Variants in TNRC6A observed in about 807,000 individuals in gnomAD.
The protein encoded by TNRC6A is trinucleotide repeat-containing gene 6A protein.
In TNRC6A, 44 loss-of-function variants were observed where a neutral mutation model predicts 221.2. The ratio of observed to expected loss-of-function variants is 0.20; its 90% CI spans 0.16 to 0.26. The LOEUF (loss-of-function observed/expected upper bound fraction) is 0.26. Ranked by LOEUF, TNRC6A falls within the 10% of genes least tolerant of loss-of-function variation. TNRC6A has a pLI of 1.00. For synonymous variants in TNRC6A, 847 were observed against 838.5 expected (o/e 1.01, Z -0.18); for missense variants, 2,199 against 2,404.4 (o/e 0.91, Z 1.79).
intron 2 of TNRC6A, among the ~76,000 whole-genome samples, chr16:24,647,338 G>A (rs542003088): frequency 1.1e-4 from 16 of 152,058 alleles, no homozygotes; most frequent in Middle Eastern, 3.4e-3. Context: ...GTGTATACGC[G>A]CATGCATGCA....
intron 2 of TNRC6A, among the ~76,000 whole-genome samples, chr16:24,688,645 G>C (rs1456028876): frequency 6.6e-6 from 1 of 152,126 alleles, no homozygotes; most frequent in East Asian, 1.9e-4. Context: ...GTCAGACAAG[G>C]GGCTCATGAT....
chr16:24,658,814 C>T (rs1223283461), intron 2 of TNRC6A, among the ~76,000 whole-genome samples: 1 of 150,310 alleles, frequency 6.7e-6, no homozygotes, highest in Non-Finnish European at 1.5e-5. Context: ...TTTTCTTTTT[C>T]TTTTTTTTTG....
At chr16:24,796,602 A>C (rs935693893) in intron 9 of TNRC6A, among the ~76,000 whole-genome samples, 2 of 152,204 alleles carry the variant, frequency 1.3e-5, no homozygotes, top group African/African-American at 2.4e-5. Context: ...GGATGGGGTG[A>C]AAGGAAAAGG....
Position 24,815,277 on chromosome 16 carries a change from C to G in TNRC6A, c.4803C>G (p.Asn1601Lys). 1 of 1,614,220 alleles carries G rather than the reference C, an allele frequency of 6.2e-7. No individual in the cohort carries two copies. Among genetic ancestry groups the G allele is most frequent in the Non-Finnish European group, 8.5e-7 (1 of 1,180,036 alleles). Residue 1601 changes from asparagine (N) to lysine (K), a missense_variant, in exon 19 of 25, where the codon AAC becomes AAG. By Grantham distance (94) the Asn-to-Lys change is moderately conservative. This residue lies in a region of TNRC6A where 449 missense variants were observed against 579.7 expected (regional missense o/e 0.77). Transcript: ENST00000395799. ...GDGWPRAKSP[N>K]GSSSVNWPPE... ...GCTGGCCACGTGCCAAATCGCCTAA[C>G]GGCTCTAGCAGTGTTAATTGGCCAC...
At position 24,789,863 on chromosome 16, in the gene TNRC6A, T is replaced by G; in HGVS notation, c.1221T>G (p.Ile407Met). 6.2e-7 allele frequency: 1 copy of G among 1,614,152 alleles called. No individual in the cohort carries two copies. The change falls in exon 6 of 25, where the codon ATT becomes ATG. Residue 407 changes from isoleucine to methionine, a missense_variant. Around this residue, in one of 8 missense-constraint regions of TNRC6A, gnomAD observed 1,405 missense variants for 1,400.2 expected, o/e 1.00. Transcript: ENST00000395799. ...GCCAGATGCCTAACAATCAGAGTAT[T>G]AACTCTAAAGTGAGTGGTGGTTCTA... ...TIGQMPNNQS[I>M]NSKVSGGSTH... is the part of the protein sequence containing the mutation.
intron 2 of TNRC6A, among the ~76,000 whole-genome samples, chr16:24,735,626 A>G (rs2056748079): frequency 6.6e-6 from 1 of 152,216 alleles, no homozygotes; most frequent in Non-Finnish European, 1.5e-5. Flanking sequence ...ATGTGTAACA[A>G]CCCTCTGTGG....
At position 24,652,701 on chromosome 16, in the gene TNRC6A, C is replaced by T. The variant is rs563697101; in HGVS notation, n.402+11692C>T. Among the ~76,000 whole-genome samples, 25 of 152,146 alleles carry T rather than the reference C, an allele frequency of 1.6e-4. No individual in the cohort carries two copies. In the South Asian group the frequency reaches 4.1e-3, roughly 25 times the overall value. On this transcript the variant is annotated intron_variant and non_coding_transcript_variant, in intron 2 of 2. Coordinates refer to the TNRC6A transcript ENST00000566108. ...CTGGACCCAAACAGCATATGAAAGA[C>T]GGAATAAGAGGGGGAAAGATCTAAG...
At chr16:24,648,447 T>A (rs556358188) in intron 2 of TNRC6A, among the ~76,000 whole-genome samples, 6 of 152,076 alleles carry the variant, frequency 3.9e-5, no homozygotes, top group African/African-American at 1.4e-4. Context: ...ATTTTTTGTA[T>A]TTTTAGTAGA....
At position 24,791,175 on chromosome 16, in the gene TNRC6A, T is replaced by A; in HGVS notation, c.2533T>A (p.Ser845Thr). ...ACAGGGATGGGGTGATGGACAAAAA[T>A]CAAGCCAAGGGTGGTCTGTTTCTGC... Reference protein sequence around the residue: ...NKQGWGDGQKSSQGWSVSASD... With the variant: ...NKQGWGDGQKTSQGWSVSASD... Residue 845 changes from serine (S) to threonine (T), a missense_variant, in exon 6 of 25, where the codon TCA (serine) becomes ACA (threonine). By Grantham distance (58) the Ser-to-Thr change is moderately conservative (BLOSUM62 1). Coordinates refer to ENST00000395799, the MANE Select transcript of TNRC6A (RefSeq NM_014494.4). 1 of 1,613,922 alleles carries A rather than the reference T, an allele frequency of 6.2e-7. No homozygotes were observed. Among genetic ancestry groups the A allele is most frequent in the Non-Finnish European group, 8.5e-7 (1 of 1,179,948 alleles).
intron 3 of TNRC6A, among the ~76,000 whole-genome samples, chr16:24,755,644 T>C (rs1486301357): frequency 6.6e-6 from 1 of 152,126 alleles, no homozygotes; most frequent in East Asian, 1.9e-4. Flanking sequence ...GATCCTGAGG[T>C]CTTAACGAAG....
At chr16:24,787,558 T>C (rs960909625) in intron 5 of TNRC6A, among the ~76,000 whole-genome samples, 7 of 152,332 alleles carry the variant, frequency 4.6e-5, no homozygotes, top group Admixed American at 3.9e-4. Context: ...GACTGACTTA[T>C]TGTTACCCTT....
intron 20 of TNRC6A, among the ~76,000 whole-genome samples, chr16:24,817,893 C>T (rs924448068): frequency 1.3e-5 from 2 of 152,068 alleles, no homozygotes; most frequent in African/African-American, 4.8e-5. Context: ...TGGAAGAATC[C>T]GATGGCTCTG....
At chr16:24,814,063 TGCCAGA>T (rs2058601996) in intron 18 of TNRC6A, among the ~76,000 whole-genome samples, 1 of 152,164 alleles carries the variant, frequency 6.6e-6, no homozygotes, top group African/African-American at 2.4e-5. Flanking sequence ...AGATTGAGGA[TGCCAGA>T]GCCAGAGGGG....
Position 24,820,286 on chromosome 16 carries a change from C to T in TNRC6A, c.5228C>T (p.Pro1743Leu). 6.2e-7 allele frequency: 1 copy of T among 1,614,148 alleles called. No homozygotes were observed. ...PPPGLTGQKP[P>L]LSTWDNSPLR... ...CCGGGACTGACTGGTCAGAAGCCAC[C>T]CTTGTCTACGTGGGATAATTCTCCC... Residue 1743 changes from proline to leucine, a missense_variant, in exon 22 of 25, where the codon CCC (proline) becomes CTC (leucine). By Grantham distance (98) the Pro-to-Leu change is moderately conservative (BLOSUM62 -3). Coordinates refer to ENST00000395799, the MANE Select transcript of TNRC6A (RefSeq NM_014494.4).
chr16:24,618,763 T>C (rs973007894), intron 1 of TNRC6A, among the ~76,000 whole-genome samples: 1 of 149,574 alleles, frequency 6.7e-6, no homozygotes, highest in African/African-American at 2.5e-5. Context: ...CTTGAGTAGC[T>C]GGAACCACAG....
At position 24,758,372 on chromosome 16, in the gene TNRC6A, A is replaced by G. The variant is rs1310995690; in HGVS notation, c.163+12A>G. The stretch of plus-strand genomic sequence containing the variant: ...ACAAAAAATCAAAGGTACGTTGTTT[A>G]AAGCTATTTTTTATCCCTTTTTTCA... On this transcript the variant is annotated intron_variant, in intron 4 of 24. Transcript: ENST00000395799. 6 of 1,610,030 alleles carry G rather than the reference A, an allele frequency of 3.7e-6. No homozygotes were observed. The highest frequency in any genetic ancestry group is 5.1e-6 in the Non-Finnish European group (6 of 1,177,090).
intron 2 of TNRC6A, among the ~76,000 whole-genome samples, chr16:24,691,854 A>G (rs2055762104): frequency 6.6e-6 from 1 of 152,200 alleles, no homozygotes; most frequent in South Asian, 2.1e-4. Flanking sequence ...CTATAAACTC[A>G]GTGAACTGAG....
At chr16:24,741,884 T>G (rs1037014898) in intron 2 of TNRC6A, among the ~76,000 whole-genome samples, 1 of 152,174 alleles carries the variant, frequency 6.6e-6, no homozygotes, top group Non-Finnish European at 1.5e-5. Context: ...TTGCCTAGGC[T>G]GGAATACAGT....
intron 5 of TNRC6A, 97 bp from the exon 6 acceptor site, chr16:24,789,135 A>G (rs2058038486): frequency 8.2e-7 from 1 of 1,224,360 alleles, no homozygotes; most frequent in East Asian, 2.5e-5. Context: ...GAGGAGCCAC[A>G]TATATTTATA....
Sources: gnomAD v4.1 joint callset for allele counts (sites outside exome capture counted in the v4.1 genomes callset) on GRCh38, gnomAD v4.1.1 for gene constraint, gnomAD v4.1.1 regional missense constraint, MANE v1.5 for transcripts, NCBI Gene and HGNC (gene_info 2026-07-23, HGNC 2026-07-21) for gene names.